NFASC: variants seen among roughly 807,000 people sequenced by gnomAD.
NFASC encodes the protein neurofascin homolog.
Under a neutral mutation model 147.5 loss-of-function variants are expected in NFASC, and 43 were observed. The observed-to-expected ratio is 0.29, with a 90% CI of 0.23 to 0.38. The LOEUF is 0.38. NFASC is among the 10% of genes least tolerant of loss of function. NFASC has a pLI of 1.00. For missense variants in NFASC, 1,320 were observed against 1,689.0 expected, an observed-to-expected ratio of 0.78 and a Z score of 3.83; for synonymous variants, 622 against 665.5, an observed-to-expected ratio of 0.93 and a Z score of 1.01.
At position 204,828,738 on chromosome 1, in the gene NFASC, G is replaced by A; in HGVS notation, c.-244G>A. On this transcript the variant is annotated 5_prime_UTR_variant, in exon 1 of 30. Coordinates refer to ENST00000339876, the MANE Select transcript of NFASC (RefSeq NM_001005388.3). ...CGGGGGAAGTGGCGGCGCCGGCAGC[G>A]GACAGCTCGGACAGCGCCCAGGGCC... is the stretch of plus-strand genomic sequence containing the variant. 1 of 985,934 alleles carries A rather than the reference G, an allele frequency of 1.0e-6. No homozygotes were observed. 61.1% of individuals were successfully genotyped at this position (985,934 alleles called of 1,614,324 possible).
chr1:205,009,832 G>C (rs1451172728), intron 28 of NFASC, 144 bp downstream of exon 28: 1 of 887,696 alleles, frequency 1.1e-6, no homozygotes, highest in Non-Finnish European at 1.7e-6. Context: ...CCTCTTGCCT[G>C]TGCATCTTCA....
At chr1:204,885,392 G>GC (rs1558575793) in intron 1 of NFASC, among the ~76,000 whole-genome samples, 1 of 151,874 alleles carries the variant, frequency 6.6e-6, no homozygotes, top group African/African-American at 2.4e-5. Flanking sequence ...TGCCCTGTGG[G>GC]GGGGGAAGCA....
At chr1:204,970,325 G>A (rs1283706022) in intron 10 of NFASC, among the ~76,000 whole-genome samples, 1 of 151,482 alleles carries the variant, frequency 6.6e-6, no homozygotes, top group Non-Finnish European at 1.5e-5. Flanking sequence ...TCTGAGATAG[G>A]CCCTAACATC....
chr1:204,834,699 T>G (rs1386979907), intron 1 of NFASC, among the ~76,000 whole-genome samples: 1 of 152,144 alleles, frequency 6.6e-6, no homozygotes, highest in African/African-American at 2.4e-5. Flanking sequence ...CTTGGAGAGC[T>G]TCAGAACCTC....
rs889496394 is a variant in NFASC, at chr1:205,016,717, A to G, written c.*178A>G. 23 of 671,538 alleles carry G rather than the reference A, an allele frequency of 3.4e-5. No individual in the cohort carries two copies. The highest frequency in any genetic ancestry group is 5.3e-5 in the African/African-American group (3 of 56,592). The allele number at this position is 671,538 out of a possible 1,614,324, so 41.6% of individuals were successfully genotyped here. A position where few individuals can be genotyped will look rare whatever the true frequency, so the allele number is the denominator to read the frequency against. On this transcript the variant is annotated 3_prime_UTR_variant, in exon 30 of 30. Transcript: ENST00000339876. This position sits in a 1 kb window ranked among gnomAD's most constrained non-coding sequence, Gnocchi z 5.1. Reference sequence around the variant, plus strand: ...CAAGCCACCCACAAGCCCCCTCCCAATGACCCCCCTTCAGCCCCGGGTGCC... The same window carrying G: ...CAAGCCACCCACAAGCCCCCTCCCAGTGACCCCCCTTCAGCCCCGGGTGCC...
chr1:204,988,574 T>C, intron 22 of NFASC, 59 bp from the exon 23 acceptor site: 2 of 1,483,322 alleles, frequency 1.3e-6, no homozygotes, highest in Middle Eastern at 1.7e-4. Context: ...GCTTGCAGAT[T>C]ATATAACCCA....
rs1031569831 is a variant in NFASC at position 204,987,725 on chromosome 1, C to T, written c.2593+185C>T. 6.6e-6 allele frequency among the ~76,000 whole-genome samples: 1 copy of T among 152,214 alleles called. No individual in the cohort carries two copies. Among genetic ancestry groups the T allele is most frequent in the African/African-American group, 2.4e-5 (1 of 41,444 alleles). ...GCAGATGGGACTCAATCCCTGCTCT[C>T]CTTTCATAGTTCTGCCTGCAGGGAG... On this transcript the variant is annotated intron_variant, in intron 22 of 29. Transcript: ENST00000339876. The surrounding 1 kb of genome is among the most constrained non-coding windows in gnomAD (Gnocchi z 4.4).
In NFASC at chr1:204,967,765, A is replaced by G. The variant is rs149455685; in HGVS notation, c.707-484A>G. 955 of 153,174 alleles carry G rather than the reference A, an allele frequency of 6.2e-3. 2 individuals carry two copies. Among genetic ancestry groups the G allele is most frequent in the Non-Finnish European group, 0.011 (750 of 68,644 alleles). The allele number at this position is 153,174 out of a possible 1,614,324, so 9.5% of individuals were successfully genotyped here. Reference sequence around the variant, plus strand: ...TTGATTGTGCGGGCTTTGTGACTCCATCCCAGCACCTTGTTTTCAGGGTCC... The same window carrying G: ...TTGATTGTGCGGGCTTTGTGACTCCGTCCCAGCACCTTGTTTTCAGGGTCC... On this transcript the variant is annotated intron_variant, in intron 8 of 29. Coordinates refer to ENST00000339876, the MANE Select transcript of NFASC (RefSeq NM_001005388.3).
intron 23 of NFASC, chr1:204,989,535 T>C (rs934389178): frequency 1.3e-5 from 2 of 152,284 alleles, no homozygotes; most frequent in Non-Finnish European, 2.9e-5. Context: ...CAGGGGAATG[T>C]GCAGTCTGGG....
chr1:204,921,108 C>A (rs1474435463), intron 2 of NFASC, among the ~76,000 whole-genome samples: 1 of 152,216 alleles, frequency 6.6e-6, no homozygotes, highest in African/African-American at 2.4e-5. Context: ...TGAGTGACAG[C>A]CCTGGCATAT....
chr1:204,871,346 G>T (rs1212610457), intron 1 of NFASC, among the ~76,000 whole-genome samples: 3 of 152,170 alleles, frequency 2.0e-5, no homozygotes, highest in Non-Finnish European at 4.4e-5. Context: ...AATTTTAGGA[G>T]GAAGAGAGGC....
At chr1:204,932,852 A>G (rs2092486477) in intron 2 of NFASC, among the ~76,000 whole-genome samples, 1 of 152,214 alleles carries the variant, frequency 6.6e-6, no homozygotes, top group Admixed American at 6.5e-5. Context: ...GTGGCACAGC[A>G]GGAGTGCAGG....
intron 11 of NFASC, 70 bp from the exon 12 acceptor site, chr1:204,973,206 C>G: frequency 6.4e-7 from 1 of 1,562,130 alleles, no homozygotes; most frequent in East Asian, 2.2e-5. Context: ...GGAGCCCTGG[C>G]CAGAGCCCCA....
intron 27 of NFASC, among the ~76,000 whole-genome samples, chr1:205,005,883 G>C (rs1047591744): frequency 6.6e-6 from 1 of 152,162 alleles, no homozygotes; most frequent in South Asian, 2.1e-4. Context: ...GGAATGAAAA[G>C]CCACATTTGC....
At position 205,015,607 on chromosome 1, in the gene NFASC, A is replaced by G. The variant is rs1011014795; in HGVS notation, c.3492-701A>G. On this transcript the variant is annotated intron_variant, in intron 29 of 29. Coordinates refer to ENST00000339876, the MANE Select transcript of NFASC (RefSeq NM_001005388.3). This position sits in a 1 kb window ranked among gnomAD's most constrained non-coding sequence, Gnocchi z 4.0. ...CTATGGGCCTCAGAAGGGGCTGGGC[A>G]TGATCCTCTGAGCCTTGCTGTCTTC... 2.6e-5 allele frequency among the ~76,000 whole-genome samples: 4 copies of G among 152,168 alleles called. No homozygotes were observed. Among genetic ancestry groups the G allele is most frequent in the Admixed American group, 6.5e-5 (1 of 15,276 alleles).
In NFASC at chr1:204,850,005, A is replaced by T. The variant is rs537418681; in HGVS notation, c.-200+21223A>T. On this transcript the variant is annotated intron_variant, in intron 1 of 29. Transcript: ENST00000339876. ...GGAACATCTCTTTCTGTTCAATCCC[A>T]TGGTGCTGCCGTTTCCTGCAGTGGG... 3.9e-5 allele frequency among the ~76,000 whole-genome samples: 6 copies of T among 152,260 alleles called. No homozygotes were observed. In the East Asian group the frequency reaches 1.2e-3, roughly 29 times the overall value.
chr1:204,967,945 G>A (rs769587874), intron 8 of NFASC: 26 of 292,328 alleles, frequency 8.9e-5, no homozygotes, highest in South Asian at 1.2e-4. Flanking sequence ...AGTAGATCTC[G>A]CACTGCTCAG....
chr1:204,991,169 TA>T, intron 23 of NFASC, 122 bp from the exon 24 acceptor site: 1 of 1,185,078 alleles, frequency 8.4e-7, no homozygotes, highest in Non-Finnish European at 1.2e-6. Context: ...GCCGTCTGCA[TA>T]AGGTTTGGGC....
intron 1 of NFASC, among the ~76,000 whole-genome samples, chr1:204,860,690 G>A (rs1219689056): frequency 4.6e-5 from 7 of 152,158 alleles, no homozygotes; most frequent in Admixed American, 3.3e-4. Flanking sequence ...AATTCCTTAA[G>A]ACTTTTATTA....
Sources: gnomAD v4.1 joint callset for allele counts (sites outside exome capture counted in the v4.1 genomes callset) on GRCh38, gnomAD v4.1.1 for gene constraint, Gnocchi (gnomAD v3.1) non-coding constraint, MANE v1.5 for transcripts, NCBI Gene and HGNC (gene_info 2026-07-23, HGNC 2026-07-21) for gene names.